MAGI1: variants seen among roughly 807,000 people sequenced by gnomAD.
MAGI1 encodes membrane associated guanylate kinase, WW and PDZ domain containing 1.
MAGI1 carries 58 observed loss-of-function variants against 139.9 expected under a neutral mutation model. The ratio of observed to expected loss-of-function variants is 0.41; its 90% CI spans 0.34 to 0.52. The LOEUF (loss-of-function observed/expected upper bound fraction) is 0.52, where lower values mean the gene tolerates loss of function less well. Among genes scored for constraint, MAGI1 ranks in the 20% least tolerant of loss-of-function variants. The pLI is 0.12. For missense variants in MAGI1, 1,874 were observed against 1,901.6 expected, an observed-to-expected ratio of 0.99 and a Z score of 0.27; for synonymous variants, 812 against 737.9, an observed-to-expected ratio of 1.10 and a Z score of -1.63.
intron 2 of MAGI1, among the ~76,000 whole-genome samples, chr3:65,610,392 C>T (rs958728680): frequency 3.3e-5 from 5 of 152,096 alleles, no homozygotes; most frequent in East Asian, 1.9e-4. Context: ...TGATAGAATT[C>T]GAACAGAATT....
chr3:65,672,300 A>C (rs2086909435), intron 1 of MAGI1, among the ~76,000 whole-genome samples: 1 of 152,184 alleles, frequency 6.6e-6, no homozygotes, highest in Non-Finnish European at 1.5e-5. Flanking sequence ...TCCAACTCAA[A>C]ACAAATCTGT....
rs143510841 is a variant in MAGI1 at position 65,761,482 on chromosome 3, C to T, written c.314-139394G>A. On this transcript the variant is annotated intron_variant, in intron 1 of 22. Coordinates refer to ENST00000402939, the MANE Select transcript of MAGI1 (RefSeq NM_001033057.2). ...GCAGCAAAATGCTAAATTCCAACAACGTTAAGCCATTTCCTACAGTAATTA... is the reference window on the plus strand; with the variant it reads ...GCAGCAAAATGCTAAATTCCAACAATGTTAAGCCATTTCCTACAGTAATTA... Among the ~76,000 whole-genome samples, 68 of 152,236 alleles carry T rather than the reference C, an allele frequency of 4.5e-4. No individual in the cohort carries two copies. In the East Asian group the frequency reaches 0.012, roughly 26 times the overall value.
intron 1 of MAGI1, among the ~76,000 whole-genome samples, chr3:66,027,914 A>C (rs1287625562): frequency 6.6e-6 from 1 of 152,206 alleles, no homozygotes; most frequent in Non-Finnish European, 1.5e-5. Context: ...AAATGGCTCC[A>C]GACGTTGCCA....
At chr3:65,943,997 A>G (rs2063442275) in intron 1 of MAGI1, among the ~76,000 whole-genome samples, 1 of 152,170 alleles carries the variant, frequency 6.6e-6, no homozygotes, top group South Asian at 2.1e-4. Flanking sequence ...GCCAATTTTC[A>G]TATTTCTCAA....
chr3:65,837,504 G>T (rs908598865), intron 1 of MAGI1, among the ~76,000 whole-genome samples: 5 of 152,078 alleles, frequency 3.3e-5, no homozygotes, highest in African/African-American at 1.2e-4. Context: ...TCACACAAGG[G>T]AACCATAACC....
At chr3:65,910,169 T>C (rs975996535) in intron 1 of MAGI1, among the ~76,000 whole-genome samples, 1 of 152,172 alleles carries the variant, frequency 6.6e-6, no homozygotes, top group African/African-American at 2.4e-5. Context: ...TAACCTTCTG[T>C]CTATGTTTGG....
At chr3:65,996,793 T>C (rs1377213049) in intron 1 of MAGI1, among the ~76,000 whole-genome samples, 1 of 152,230 alleles carries the variant, frequency 6.6e-6, no homozygotes, top group African/African-American at 2.4e-5. Context: ...TTCATATCAT[T>C]CTTTCTAGGT....
intron 1 of MAGI1, among the ~76,000 whole-genome samples, chr3:65,696,137 T>C (rs2107588874): frequency 6.6e-6 from 1 of 152,234 alleles, no homozygotes; most frequent in East Asian, 1.9e-4. Flanking sequence ...CACTCCTGCC[T>C]CCCTATCTTA....
intron 1 of MAGI1, among the ~76,000 whole-genome samples, chr3:66,011,945 C>G (rs576670895): frequency 3.3e-5 from 5 of 151,398 alleles, no homozygotes; most frequent in Non-Finnish European, 4.4e-5. Context: ...GCAATTCTAG[C>G]GAAAAAAATG....
At chr3:65,388,485 A>G (rs1347189892) in intron 14 of MAGI1, among the ~76,000 whole-genome samples, 1 of 152,134 alleles carries the variant, frequency 6.6e-6, no homozygotes, top group Non-Finnish European at 1.5e-5. Flanking sequence ...TTTGAAAGAC[A>G]AGATACAAAA....
At chr3:65,868,416 G>A (rs2059803802) in intron 1 of MAGI1, among the ~76,000 whole-genome samples, 1 of 152,174 alleles carries the variant, frequency 6.6e-6, no homozygotes, top group Non-Finnish European at 1.5e-5. Context: ...ATGTTGACGG[G>A]TAGAGCGCAG....
At chr3:65,858,897 A>C (rs939439166) in intron 1 of MAGI1, among the ~76,000 whole-genome samples, 1 of 152,188 alleles carries the variant, frequency 6.6e-6, no homozygotes, top group Non-Finnish European at 1.5e-5. Flanking sequence ...TTTCTGAATG[A>C]GCTAACACCA....
intron 10 of MAGI1, among the ~76,000 whole-genome samples, chr3:65,434,915 G>T (rs1280228858): frequency 6.6e-6 from 1 of 152,146 alleles, no homozygotes; most frequent in Non-Finnish European, 1.5e-5. Context: ...TTGGAAGTGG[G>T]GCCTTTGGGA....
At chr3:65,590,012 C>CA (rs776125061) in intron 2 of MAGI1, among the ~76,000 whole-genome samples, 2 of 152,126 alleles carry the variant, frequency 1.3e-5, no homozygotes, top group Non-Finnish European at 2.9e-5. Context: ...TTCCCAGAAA[C>CA]ACCAGCCTCT....
At chr3:65,446,788 A>T (rs1222242547) in intron 7 of MAGI1, among the ~76,000 whole-genome samples, 1 of 152,194 alleles carries the variant, frequency 6.6e-6, no homozygotes, top group African/African-American at 2.4e-5. Context: ...GTGAACCTTA[A>T]GTCATCCCTC....
chr3:65,847,226 G>T (rs989402103), intron 1 of MAGI1, among the ~76,000 whole-genome samples: 13 of 152,120 alleles, frequency 8.5e-5, no homozygotes, highest in African/African-American at 2.9e-4. Flanking sequence ...TCTTCTACAT[G>T]AGGATTTAAA....
intron 1 of MAGI1, among the ~76,000 whole-genome samples, chr3:65,980,488 A>C (rs2107266633): frequency 6.6e-6 from 1 of 150,450 alleles, no homozygotes; most frequent in South Asian, 2.1e-4. Flanking sequence ...GCTTGAACCC[A>C]GGAGGTGAAG....
intron 1 of MAGI1, among the ~76,000 whole-genome samples, chr3:65,746,472 A>G (rs2035718794): frequency 1.3e-5 from 2 of 152,252 alleles, no homozygotes; most frequent in African/African-American, 2.4e-5. Context: ...TATATCAAAC[A>G]TAACTCAGAA....
chr3:65,640,005 A>G (rs977548489), intron 1 of MAGI1, among the ~76,000 whole-genome samples: 2 of 149,318 alleles, frequency 1.3e-5, no homozygotes, highest in African/African-American at 5.1e-5. Context: ...AAAAAAAAAA[A>G]TTACTTCCGT....
Sources: gnomAD v4.1 joint callset for allele counts (sites outside exome capture counted in the v4.1 genomes callset) on GRCh38, gnomAD v4.1.1 for gene constraint, MANE v1.5 for transcripts, NCBI Gene and HGNC (gene_info 2026-07-23, HGNC 2026-07-21) for gene names.